ANO2: variants seen among roughly 807,000 people sequenced by gnomAD.
ANO2 encodes the protein anoctamin-2.
A neutral mutation model predicts 124.2 loss-of-function variants in ANO2; 101 were observed. That is an observed-to-expected ratio of 0.81 (90% CI 0.69 to 0.96). The LOEUF is 0.96. Ranked by LOEUF, ANO2 falls within the 40% of genes least tolerant of loss-of-function variation. The probability of loss-of-function intolerance (pLI) is 0.00; values close to 1 mark genes in which losing one functional copy is unlikely to be tolerated. For missense variants in ANO2, 1,293 were observed against 1,274.5 expected, an observed-to-expected ratio of 1.01 and a Z score of -0.22; for synonymous variants, 486 against 482.5, an observed-to-expected ratio of 1.01 and a Z score of -0.09.
chr12:5,598,594 G>A (rs1033177118), intron 20 of ANO2, among the ~76,000 whole-genome samples: 4 of 152,162 alleles, frequency 2.6e-5, no homozygotes, highest in Admixed American at 2.0e-4. Context: ...GACCTCAGGT[G>A]ATCCACCTGC....
At chr12:5,781,044 C>A (rs757051019) in intron 10 of ANO2, among the ~76,000 whole-genome samples, 1 of 152,182 alleles carries the variant, frequency 6.6e-6, no homozygotes, top group Admixed American at 6.5e-5. Context: ...TCTTACTGAA[C>A]TGAAGATATG....
At chr12:5,643,202 C>T (rs1002218955) in intron 15 of ANO2, among the ~76,000 whole-genome samples, 5 of 152,186 alleles carry the variant, frequency 3.3e-5, no homozygotes, top group Non-Finnish European at 5.9e-5. Flanking sequence ...TTGGATCCAA[C>T]CACTGTGCAG....
chr12:5,568,972 T>C (rs1444680383), intron 23 of ANO2, among the ~76,000 whole-genome samples: 1 of 152,238 alleles, frequency 6.6e-6, no homozygotes, highest in African/African-American at 2.4e-5. Flanking sequence ...ACCCAATAAA[T>C]AGCAACTATT....
intron 20 of ANO2, among the ~76,000 whole-genome samples, chr12:5,590,216 T>G (rs1413334600): frequency 6.6e-6 from 1 of 152,162 alleles, no homozygotes; most frequent in East Asian, 1.9e-4. Flanking sequence ...TTATGAGATT[T>G]TTTTTTGCTC....
intron 14 of ANO2, among the ~76,000 whole-genome samples, chr12:5,695,981 AAT>A (rs1396284300): frequency 1.3e-5 from 2 of 152,216 alleles, no homozygotes; most frequent in Non-Finnish European, 2.9e-5. Flanking sequence ...CTGGCACATA[AAT>A]ATGTGTTGAG....
chr12:5,823,009 A>C (rs1319458150), intron 7 of ANO2, among the ~76,000 whole-genome samples: 1 of 152,200 alleles, frequency 6.6e-6, no homozygotes, highest in Non-Finnish European at 1.5e-5. Context: ...CATGGGAAAG[A>C]ACAGGCCCCA....
At chr12:5,576,896 G>A (rs1942443825) in intron 22 of ANO2, among the ~76,000 whole-genome samples, 3 of 152,134 alleles carry the variant, frequency 2.0e-5, no homozygotes, top group Admixed American at 2.0e-4. Context: ...ACAACTTACT[G>A]GGCACTTGTT....
At chr12:5,850,730 G>C (rs1340901880) in intron 4 of ANO2, among the ~76,000 whole-genome samples, 1 of 152,120 alleles carries the variant, frequency 6.6e-6, no homozygotes, top group East Asian at 1.9e-4. Flanking sequence ...TGAGGGCATG[G>C]GTTGTTTCTG....
intron 22 of ANO2, among the ~76,000 whole-genome samples, chr12:5,576,445 T>G (rs933245626): frequency 1.3e-5 from 2 of 152,242 alleles, no homozygotes; most frequent in Admixed American, 6.5e-5. Context: ...CCCTGAGTAG[T>G]ACCAGAAAGC....
intron 7 of ANO2, among the ~76,000 whole-genome samples, chr12:5,825,672 C>A (rs995964328): frequency 1.3e-5 from 2 of 152,158 alleles, no homozygotes; most frequent in African/African-American, 4.8e-5. Context: ...GGGTGATTGA[C>A]CCAGACCATC....
intron 7 of ANO2, among the ~76,000 whole-genome samples, chr12:5,816,298 G>A (rs1430357695): frequency 1.4e-5 from 2 of 148,072 alleles, no homozygotes; most frequent in East Asian, 2.0e-4. Flanking sequence ...ATTATCTTGG[G>A]GCCTCATGGA....
chr12:5,849,002 G>A (rs868148647), intron 4 of ANO2, among the ~76,000 whole-genome samples: 1 of 152,294 alleles, frequency 6.6e-6, no homozygotes. Context: ...TATTACTCCC[G>A]TTTTGGAGAT....
At chr12:5,719,319 A>G (rs1433484892) in intron 14 of ANO2, among the ~76,000 whole-genome samples, 4 of 151,234 alleles carry the variant, frequency 2.6e-5, no homozygotes, top group Admixed American at 1.3e-4. Flanking sequence ...ACACTCACAC[A>G]CTCACAGTTG....
In ANO2 at chr12:5,812,498, A is replaced by AGGGAGGGAGGGAAGGAGGAAGGG. The variant is rs1565688066; in HGVS notation, c.893-5131_893-5130insCCCTTCCTCCTTCCCTCCCTCCC. Among the ~76,000 whole-genome samples, 2 of 96,980 alleles carry AGGGAGGGAGGGAAGGAGGAAGGG rather than the reference A, an allele frequency of 2.1e-5. 1 individual carries two copies. The highest frequency in any genetic ancestry group is 3.9e-5 in the Non-Finnish European group (2 of 51,748). The allele number at this position is 96,980 out of a possible 152,430, so 63.6% of individuals were successfully genotyped here. ...GGAGGAAGGAAGGAAGGAAGGAAGA[A>AGGGAGGGAGGGAAGGAGGAAGGG]AGGGAGGGAGGGAAGGAGGAAGGGA... On this transcript the variant is annotated intron_variant, in intron 7 of 24. Transcript: ENST00000682330.
At chr12:5,662,878 G>C (rs1397712763) in intron 14 of ANO2, among the ~76,000 whole-genome samples, 1 of 152,168 alleles carries the variant, frequency 6.6e-6, no homozygotes, top group Non-Finnish European at 1.5e-5. Flanking sequence ...GTAGGACATG[G>C]GGAAGCACTT....
chr12:5,736,710 A>G (rs888246794), intron 13 of ANO2, among the ~76,000 whole-genome samples: 30 of 152,004 alleles, frequency 2.0e-4, no homozygotes, highest in Non-Finnish European at 2.8e-4. Context: ...AGCAATCAGG[A>G]CCCTCCCTGA....
In ANO2 at chr12:5,723,959, C is replaced by T. The variant is rs150464370; in HGVS notation, c.1545+8561G>A. On this transcript the variant is annotated intron_variant, in intron 14 of 24. Transcript: ENST00000682330. ...CTGGTCTGAGAGCACAGGGGCTTGA[C>T]TCCCCAACCGCCCTTCAGCTTGGGA... Among the ~76,000 whole-genome samples the T allele has an allele frequency of 3.3e-3, 500 of 152,232 alleles. 1 individual carries two copies. The highest frequency in any genetic ancestry group is 5.4e-3 in the Admixed American group (82 of 15,298).
At chr12:5,594,785 C>T (rs537802424) in intron 20 of ANO2, among the ~76,000 whole-genome samples, 1 of 152,152 alleles carries the variant, frequency 6.6e-6, no homozygotes, top group African/African-American at 2.4e-5. Flanking sequence ...CTGCAGTGAC[C>T]CATGATGGTG....
At chr12:5,632,925 A>G (rs1198300407) in intron 16 of ANO2, among the ~76,000 whole-genome samples, 3 of 151,920 alleles carry the variant, frequency 2.0e-5, no homozygotes, top group Non-Finnish European at 4.4e-5. Flanking sequence ...ACCTCTCCCT[A>G]TTCTGTCACA....
Sources: gnomAD v4.1 joint callset for allele counts (sites outside exome capture counted in the v4.1 genomes callset) on GRCh38, gnomAD v4.1.1 for gene constraint, MANE v1.5 for transcripts, NCBI Gene and HGNC (gene_info 2026-07-23, HGNC 2026-07-21) for gene names.